MANSC1: variants seen among roughly 807,000 people sequenced by gnomAD.
The protein encoded by MANSC1 is MANSC domain-containing protein 1.
Under a neutral mutation model 14.1 loss-of-function variants are expected in MANSC1, and 13 were observed. The ratio of observed to expected loss-of-function variants is 0.92; its 90% confidence interval spans 0.60 to 1.46. The LOEUF (loss-of-function observed/expected upper bound fraction) is 1.46. Among genes scored for constraint, MANSC1 ranks in the 40% most tolerant of loss-of-function variants. The pLI, the probability that MANSC1 is intolerant of heterozygous loss-of-function variation, is 0.00. For missense variants in MANSC1, 486 were observed against 511.4 expected, an observed-to-expected ratio of 0.95 and a Z score of 0.48; for synonymous variants, 227 against 200.7, an observed-to-expected ratio of 1.13 and a Z score of -1.11.
intron 1 of MANSC1, among the ~76,000 whole-genome samples, chr12:12,345,038 G>A (rs1360845698): frequency 2.8e-5 from 4 of 142,184 alleles, no homozygotes; most frequent in Non-Finnish European, 4.5e-5. Context: ...ATTATTGGCC[G>A]GGTGCGGTGG....
intron 3 of MANSC1, among the ~76,000 whole-genome samples, chr12:12,333,660 T>C (rs1221478184): frequency 5.3e-5 from 8 of 152,198 alleles, no homozygotes; most frequent in African/African-American, 1.4e-4. Flanking sequence ...CAAAGGGAGC[T>C]GCAAAGCAGC....
In MANSC1 at chr12:12,330,459, T is replaced by G; in HGVS notation, c.864A>C (p.Thr288=). ...PPTTLISTVF[T]RAAATLQAMA... The stretch of plus-strand genomic sequence containing the variant: ...TTGCTTGGAGTGTAGCCGCAGCCCG[T>G]GTAAAAACTGTAGAAATGAGGGTCG... Residue 288 remains threonine (T), a synonymous_variant, in exon 4 of 4, where the codon ACA becomes ACC. Transcript: ENST00000535902. 1.9e-6 allele frequency: 3 copies of G among 1,614,144 alleles called. No individual in the cohort carries two copies. Among genetic ancestry groups the G allele is most frequent in the Admixed American group, 3.3e-5 (2 of 60,022 alleles).
chr12:12,337,776 C>T (rs151014507), intron 3 of MANSC1, among the ~76,000 whole-genome samples: 1 of 152,284 alleles, frequency 6.6e-6, no homozygotes, highest in African/African-American at 2.4e-5. Flanking sequence ...CTCAGCAAAA[C>T]ATATCCCAGG....
Position 12,326,364 on chromosome 12 carries a change from G to A in MANSC1, c.*3663C>T, listed in dbSNP as rs951149194. The A allele has an allele frequency of 6.6e-6, 1 of 152,148 alleles. No individual in the cohort carries two copies. Among genetic ancestry groups the A allele is most frequent in the Non-Finnish European group, 1.5e-5 (1 of 68,044 alleles). 9.4% of individuals were successfully genotyped at this position (152,148 alleles called of 1,614,324 possible). On this transcript the variant is annotated 3_prime_UTR_variant, in exon 4 of 4. Transcript: ENST00000535902. ...AAATCTCTCCTAGAAGTCCCTAGTAGGTTTCCTTTCAGCTAAAACTTGGGT... is the reference window on the plus strand; with the variant it reads ...AAATCTCTCCTAGAAGTCCCTAGTAAGTTTCCTTTCAGCTAAAACTTGGGT...
Position 12,328,945 on chromosome 12 carries a change from G to T in MANSC1, c.*1082C>A. The T allele has an allele frequency of 6.6e-6, 1 of 151,656 alleles. No individual in the cohort carries two copies. The highest frequency in any genetic ancestry group is 2.0e-4 in the East Asian group (1 of 5,114). 9.4% of individuals were successfully genotyped at this position (151,656 alleles called of 1,614,324 possible). The stretch of plus-strand genomic sequence containing the variant: ...GGAGCTGGCAGTGAGCCGAGATCGC[G>T]CCACTGCACTCTAGCCTGGGTGACA... On this transcript the variant is annotated 3_prime_UTR_variant, in exon 4 of 4. Coordinates refer to ENST00000535902, the MANE Select transcript of MANSC1 (RefSeq NM_018050.4).
chr12:12,330,186 A>G lies in MANSC1; in HGVS notation c.1137T>C (p.Leu379=), dbSNP rs1325315369. ...QGSVPENQYG[L]PFEKWLLIGS... is the part of the protein sequence containing the mutation. Reference sequence around the variant, plus strand: ...CGATAAGAAGCCATTTTTCAAATGGAAGGCCGTACTGATTTTCTGGAACAC... The same window carrying G: ...CGATAAGAAGCCATTTTTCAAATGGGAGGCCGTACTGATTTTCTGGAACAC... The change falls in exon 4 of 4, where the codon CTT becomes CTC. Residue 379 remains leucine, a synonymous_variant. Coordinates refer to ENST00000535902, the MANE Select transcript of MANSC1 (RefSeq NM_018050.4). 3 of 1,614,060 alleles carry G rather than the reference A, an allele frequency of 1.9e-6. No homozygotes were observed. The highest frequency in any genetic ancestry group is 2.5e-6 in the Non-Finnish European group (3 of 1,180,036).
At chr12:12,331,736 G>T (rs1246649020) in intron 3 of MANSC1, among the ~76,000 whole-genome samples, 1 of 152,112 alleles carries the variant, frequency 6.6e-6, no homozygotes, top group African/African-American at 2.4e-5. Flanking sequence ...GCCAGGCAGG[G>T]TCTGGTCTCC....
At chr12:12,332,961 G>A (rs193031263) in intron 3 of MANSC1, among the ~76,000 whole-genome samples, 153 of 152,122 alleles carry the variant, frequency 1.0e-3, no homozygotes, top group African/African-American at 3.6e-3. Flanking sequence ...TTGGCCCTTG[G>A]CAGAAAAAGT....
intron 1 of MANSC1, among the ~76,000 whole-genome samples, chr12:12,344,475 CTTTT>C (rs201589688): frequency 7.0e-6 from 1 of 142,042 alleles, no homozygotes; most frequent in Non-Finnish European, 1.5e-5. Flanking sequence ...CAGCCTATAT[CTTTT>C]TTTTTTTTTT....
chr12:12,332,091 C>T (rs182579017), intron 3 of MANSC1, among the ~76,000 whole-genome samples: 59 of 152,290 alleles, frequency 3.9e-4, no homozygotes, highest in African/African-American at 1.3e-3. Context: ...ACTGGAAAGA[C>T]CTGTTCAAGC....
chr12:12,333,009 A>G (rs1452360146), intron 3 of MANSC1, among the ~76,000 whole-genome samples: 2 of 151,850 alleles, frequency 1.3e-5, no homozygotes, highest in Non-Finnish European at 2.9e-5. Flanking sequence ...ATTCTACTCT[A>G]AAGTAGAATT....
At chr12:12,342,810 A>ATTTTTTTTTTTTCAATATT (rs1862954916) in intron 2 of MANSC1, among the ~76,000 whole-genome samples, 1 of 151,886 alleles carries the variant, frequency 6.6e-6, no homozygotes, top group Non-Finnish European at 1.5e-5. Flanking sequence ...TTTCAATAGG[A>ATTTTTTTTTTTTCAATATT]TTTTTGTTTT....
rs773610627 is a variant in MANSC1 at position 12,330,385 on chromosome 12, G to C, written c.938C>G (p.Ser313Trp). 1 of 1,614,174 alleles carries C rather than the reference G, an allele frequency of 6.2e-7. No individual in the cohort carries two copies. The highest frequency in any genetic ancestry group is 8.5e-7 in the Non-Finnish European group (1 of 1,180,014). Residue 313 changes from serine (S) to tryptophan (W), a missense_variant, in exon 4 of 4, where the codon TCG becomes TGG. Ser to Trp is a radical substitution (Grantham distance 177). Transcript: ENST00000535902. ...LTTTFQAPTD[S>W]KGSLETIPFT... is the part of the protein sequence containing the mutation. ...CGGTATGGTTTCTAAGCTGCCTTTC[G>C]AGTCCGTAGGTGCCTGAAAGGTGGT...
At chr12:12,345,470 G>A (rs1262688876) in intron 1 of MANSC1, among the ~76,000 whole-genome samples, 2 of 152,278 alleles carry the variant, frequency 1.3e-5, no homozygotes, top group East Asian at 3.9e-4. Context: ...TCAGCAGGAG[G>A]AATACGCTGC....
In MANSC1 at chr12:12,344,916, C is replaced by CATATATATATATAT. The variant is rs536743365; in HGVS notation, c.-100-1516_-100-1503dup. 4.5e-4 allele frequency among the ~76,000 whole-genome samples: 15 copies of CATATATATATATAT among 33,550 alleles called. 1 individual carries two copies. Among genetic ancestry groups the CATATATATATATAT allele is most frequent in the Non-Finnish European group, 5.7e-4 (10 of 17,646 alleles). 22.0% of individuals were successfully genotyped at this position (33,550 alleles called of 152,430 possible). On this transcript the variant is annotated intron_variant, in intron 1 of 3. Coordinates refer to ENST00000535902, the MANE Select transcript of MANSC1 (RefSeq NM_018050.4). Reference sequence around the variant, plus strand: ...TGTGAGTTAATACTTAATAAACTCCCATATATATATATATATATATATATA... The same window carrying CATATATATATATAT: ...TGTGAGTTAATACTTAATAAACTCCCATATATATATATATATATATATATATATATATATATATA...
intron 2 of MANSC1, among the ~76,000 whole-genome samples, chr12:12,339,852 A>G (rs1592034199): frequency 6.6e-6 from 1 of 151,674 alleles, no homozygotes; most frequent in African/African-American, 2.4e-5. Flanking sequence ...TTGCTCTGTC[A>G]TCCAAGCTGC....
chr12:12,337,173 A>T (rs1862869353), intron 3 of MANSC1, among the ~76,000 whole-genome samples: 1 of 151,446 alleles, frequency 6.6e-6, no homozygotes, highest in South Asian at 2.1e-4. Flanking sequence ...GCTACTTGGG[A>T]GGCTGAGGCA....
Position 12,331,408 on chromosome 12 carries a change from G to C in MANSC1, c.365-450C>G, listed in dbSNP as rs183512321. The stretch of plus-strand genomic sequence containing the variant: ...CAGAGAAGCCGGAGGGGCTCAGCAG[G>C]GCAGCAAGAGGCTTACAAAGATGGA... On this transcript the variant is annotated intron_variant, in intron 3 of 3. Coordinates refer to ENST00000535902, the MANE Select transcript of MANSC1 (RefSeq NM_018050.4). Among the ~76,000 whole-genome samples, 3 of 152,260 alleles carry C rather than the reference G, an allele frequency of 2.0e-5. No individual in the cohort carries two copies. In the South Asian group the frequency reaches 6.2e-4, roughly 32 times the overall value.
intron 3 of MANSC1, among the ~76,000 whole-genome samples, chr12:12,337,874 G>A (rs998365688): frequency 6.6e-6 from 1 of 152,114 alleles, no homozygotes; most frequent in African/African-American, 2.4e-5. Context: ...CTAGTGCTTT[G>A]GACAGAATCT....
Sources: allele counts gnomAD v4.1 joint callset (sites outside exome capture counted in the v4.1 genomes callset), GRCh38; gene constraint gnomAD v4.1.1; transcripts MANE v1.5; gene names NCBI Gene and HGNC (gene_info 2026-07-23, HGNC 2026-07-21).